Variants in ITPR1 observed in about 807,000 individuals in gnomAD.
The protein encoded by ITPR1 is inositol 1,4,5-trisphosphate-gated calcium channel ITPR1.
Under a neutral mutation model 318.4 loss-of-function variants are expected in ITPR1, and 96 were observed. That is an observed-to-expected ratio of 0.30 (90% confidence interval 0.26 to 0.36). The LOEUF (loss-of-function observed/expected upper bound fraction) is 0.36. ITPR1 is among the 10% of genes least tolerant of loss of function. The pLI, the probability that ITPR1 is intolerant of heterozygous loss-of-function variation, is 1.00. For missense variants in ITPR1, 2,440 were observed against 3,460.2 expected, an observed-to-expected ratio of 0.71 and a Z score of 7.40; for synonymous variants, 1,312 against 1,289.9, an observed-to-expected ratio of 1.02 and a Z score of -0.37.
chr3:4,785,057 A>G (rs763788685), intron 51 of ITPR1, among the ~76,000 whole-genome samples: 7 of 152,258 alleles, frequency 4.6e-5, no homozygotes, highest in Non-Finnish European at 8.8e-5. Context: ...TGTTGGTGTT[A>G]TATTGAAAAT....
chr3:4,772,776 G>C (rs150477199), intron 46 of ITPR1, among the ~76,000 whole-genome samples: 5 of 152,218 alleles, frequency 3.3e-5, no homozygotes, highest in Non-Finnish European at 5.9e-5. Flanking sequence ...CCTGTGCCTC[G>C]TAGTGAGTGG....
intron 60 of ITPR1, among the ~76,000 whole-genome samples, chr3:4,825,284 A>C (rs1362558048): frequency 6.6e-6 from 1 of 152,200 alleles, no homozygotes; most frequent in East Asian, 1.9e-4. Context: ...CTAGCTATAC[A>C]GGATCCAGAA....
intron 44 of ITPR1, among the ~76,000 whole-genome samples, chr3:4,745,627 T>C (rs2044048377): frequency 6.6e-6 from 1 of 152,212 alleles, no homozygotes; most frequent in Non-Finnish European, 1.5e-5. Context: ...GCCTTCTTTT[T>C]CTACCGATCC....
intron 12 of ITPR1, among the ~76,000 whole-genome samples, chr3:4,655,707 C>A (rs952921819): frequency 6.6e-6 from 1 of 152,140 alleles, no homozygotes; most frequent in African/African-American, 2.4e-5. Flanking sequence ...GGTCTTTTGA[C>A]GTTTTCGTGC....
rs762648347 is a variant in ITPR1, at chr3:4,735,180, C to T, written c.5370C>T (p.Ser1790=). The T allele has an allele frequency of 1.2e-5, 19 of 1,613,124 alleles. No homozygotes were observed. In the African/African-American group the frequency reaches 1.9e-4, roughly 16 times the overall value. ...KPGGGGGGSG[S]SSMSRGEMSL... ...TCTTCTTAGGGGGAGGTTCCGGATC[C>T]AGCTCTATGAGCAGGGGTGAGATGA... The change falls in exon 44 of 62, where the codon TCC becomes TCT. Residue 1790 remains serine (S), a synonymous_variant. Transcript: ENST00000649015.
intron 4 of ITPR1, among the ~76,000 whole-genome samples, chr3:4,609,021 A>AC (rs1559528953): frequency 1.5e-5 from 2 of 135,954 alleles, no homozygotes; most frequent in African/African-American, 2.7e-5. Flanking sequence ...AAAAAAAAAA[A>AC]AAAACAAAAG....
intron 18 of ITPR1, among the ~76,000 whole-genome samples, 195 bp downstream of exon 18, chr3:4,667,744 G>A (rs1323616682): frequency 6.6e-6 from 1 of 152,180 alleles, no homozygotes; most frequent in African/African-American, 2.4e-5. Flanking sequence ...CCTAGCTCCA[G>A]TGTGTCCCAC....
At chr3:4,597,786 C>T (rs1385809186) in intron 4 of ITPR1, among the ~76,000 whole-genome samples, 1 of 152,210 alleles carries the variant, frequency 6.6e-6, no homozygotes, top group Non-Finnish European at 1.5e-5. Flanking sequence ...AGCCATTGTT[C>T]ATTGCAGGTA....
At chr3:4,559,381 G>T (rs1445242636) in intron 4 of ITPR1, among the ~76,000 whole-genome samples, 1 of 152,022 alleles carries the variant, frequency 6.6e-6, no homozygotes, top group East Asian at 1.9e-4. Context: ...GTTTTAATTG[G>T]CTTTTAAAAT....
At chr3:4,561,333 A>G (rs2086654188) in intron 4 of ITPR1, among the ~76,000 whole-genome samples, 1 of 152,208 alleles carries the variant, frequency 6.6e-6, no homozygotes, top group Admixed American at 6.5e-5. Flanking sequence ...TCCTAAAAAT[A>G]TACGACCAAT....
chr3:4,796,994 T>G (rs965718674), intron 53 of ITPR1, among the ~76,000 whole-genome samples: 2 of 152,062 alleles, frequency 1.3e-5, no homozygotes, highest in Non-Finnish European at 2.9e-5. Flanking sequence ...CTATCGAGGG[T>G]CCTTCCAACT....
At chr3:4,758,643 A>C (rs1321804183) in intron 44 of ITPR1, among the ~76,000 whole-genome samples, 1 of 152,208 alleles carries the variant, frequency 6.6e-6, no homozygotes, top group Non-Finnish European at 1.5e-5. Flanking sequence ...ACTTGTTTAC[A>C]CAGTTTGATT....
chr3:4,567,489 G>T (rs540736984), intron 4 of ITPR1, among the ~76,000 whole-genome samples: 55 of 152,288 alleles, frequency 3.6e-4, no homozygotes, highest in Non-Finnish European at 6.9e-4. Flanking sequence ...TAGACTCCAA[G>T]TCGAAACTGA....
Position 4,670,810 on chromosome 3 carries a change from G to A in ITPR1, c.2088G>A (p.Glu696=), listed in dbSNP as rs2125208717. ...TGGAGGCAGGAGAAGACGAGGAAGA[G>A]GTGTGGCTGTTTTGGAGGGACAGCA... ...NALEAGEDEE[E]VWLFWRDSNK... The change falls in exon 20 of 62, where the codon GAG becomes GAA. Residue 696 remains glutamate, a synonymous_variant. Transcript: ENST00000649015. The A allele has an allele frequency of 1.2e-6, 2 of 1,610,250 alleles. 1 individual carries two copies.
At chr3:4,626,761 C>T (rs1452961082) in intron 4 of ITPR1, among the ~76,000 whole-genome samples, 1 of 152,152 alleles carries the variant, frequency 6.6e-6, no homozygotes, top group Non-Finnish European at 1.5e-5. Flanking sequence ...AGAAGGTCAT[C>T]TTGCACACAG....
At chr3:4,668,000 A>G (rs1427065841) in intron 18 of ITPR1, among the ~76,000 whole-genome samples, 1 of 152,130 alleles carries the variant, frequency 6.6e-6, no homozygotes. Context: ...GTAGGCATGC[A>G]ATGTGTAATA....
intron 19 of ITPR1, among the ~76,000 whole-genome samples, chr3:4,670,432 G>T (rs748412635): frequency 2.6e-5 from 4 of 152,144 alleles, no homozygotes; most frequent in African/African-American, 4.8e-5. Flanking sequence ...AAAATGTTCA[G>T]CAGCATCCCT....
intron 12 of ITPR1, among the ~76,000 whole-genome samples, chr3:4,654,518 AAGAAGG>A (rs2093662834): frequency 6.6e-6 from 1 of 152,208 alleles, no homozygotes; most frequent in Non-Finnish European, 1.5e-5. Context: ...TTATGGGTTG[AAGAAGG>A]CAGCGGTTGT....
At chr3:4,833,988 C>T (rs894557875) in intron 60 of ITPR1, among the ~76,000 whole-genome samples, 5 of 152,184 alleles carry the variant, frequency 3.3e-5, no homozygotes, top group African/African-American at 7.2e-5. Context: ...ACCTCCTGGG[C>T]TCAAACGATC....
Sources: gnomAD v4.1 joint callset for allele counts (sites outside exome capture counted in the v4.1 genomes callset) on GRCh38, gnomAD v4.1.1 for gene constraint, MANE v1.5 for transcripts, NCBI Gene and HGNC (gene_info 2026-07-23, HGNC 2026-07-21) for gene names.